The following KANSL1 variants were observed in gnomAD, a reference collection of about 807,000 sequenced individuals.
KANSL1 encodes the protein MLL1/MLL complex subunit KANSL1.
A neutral mutation model predicts 103.6 loss-of-function variants in KANSL1; 22 were observed. The observed-to-expected ratio is 0.21, with a 90% CI of 0.15 to 0.30. KANSL1 has a LOEUF of 0.30. Among genes scored for constraint, KANSL1 ranks in the 10% least tolerant of loss-of-function variants. KANSL1 has a pLI of 1.00. For missense variants in KANSL1, 1,337 were observed against 1,399.8 expected (o/e 0.96, Z 0.72); for synonymous variants, 600 against 527.6 (o/e 1.14, Z -1.88).
chr17:46,112,870 C>T (rs1238194883), intron 2 of KANSL1, among the ~76,000 whole-genome samples: 1 of 151,972 alleles, frequency 6.6e-6, no homozygotes, highest in Non-Finnish European at 1.5e-5. Context: ...TACAGGCATG[C>T]GCCATCACGC....
intron 4 of KANSL1, among the ~76,000 whole-genome samples, chr17:46,073,493 G>A (rs1391285278): frequency 3.3e-5 from 5 of 151,860 alleles, no homozygotes; most frequent in Admixed American, 6.6e-5. Context: ...TCTGCTCATC[G>A]GTGCAAAAAA....
In KANSL1 at chr17:46,193,030, AGGC is replaced by A; in HGVS notation, c.-300_-298del. 1 of 153,198 alleles carries A rather than the reference AGGC, an allele frequency of 6.5e-6. No individual in the cohort carries two copies. The highest frequency in any genetic ancestry group is 1.4e-5 in the Non-Finnish European group (1 of 69,140). The allele number at this position is 153,198 out of a possible 1,614,324, so 9.5% of individuals were successfully genotyped here. On this transcript the variant is annotated 5_prime_UTR_variant, in exon 1 of 15. Transcript: ENST00000432791. ...GGGGGCGAGGCAGAGGGGGAGGGGA[AGGC>A]GGCGGCGGGGAGCGGCTGCTTTTTC...
intron 2 of KANSL1, among the ~76,000 whole-genome samples, chr17:46,105,636 C>CAAAAAAAA (rs2042501879): frequency 1.3e-5 from 2 of 151,530 alleles, no homozygotes; most frequent in African/African-American, 2.4e-5. Context: ...AAACAAAAAA[C>CAAAAAAAA]CCCAAAATGA....
intron 2 of KANSL1, among the ~76,000 whole-genome samples, chr17:46,124,179 G>A (rs928825118): frequency 6.6e-6 from 1 of 152,188 alleles, no homozygotes; most frequent in Admixed American, 6.5e-5. Flanking sequence ...AGGGAGAACT[G>A]CTTGAGCCCA....
At chr17:46,108,449 C>G (rs956910362) in intron 2 of KANSL1, among the ~76,000 whole-genome samples, 14 of 152,230 alleles carry the variant, frequency 9.2e-5, no homozygotes, top group South Asian at 4.1e-4. Flanking sequence ...CCAAATACCC[C>G]CTACACACCT....
chr17:46,131,158 T>C (rs2147273716), intron 2 of KANSL1, among the ~76,000 whole-genome samples: 1 of 152,348 alleles, frequency 6.6e-6, no homozygotes, highest in South Asian at 2.1e-4. Context: ...CAAGGATGTA[T>C]TATAAAAGAG....
chr17:46,186,148 G>A (rs1047545080), intron 1 of KANSL1, among the ~76,000 whole-genome samples: 1 of 151,934 alleles, frequency 6.6e-6, no homozygotes, highest in African/African-American at 2.4e-5. Flanking sequence ...GGCCGAGACG[G>A]GTGGATCACA....
chr17:46,138,346 A>T (rs1473843854), intron 2 of KANSL1, among the ~76,000 whole-genome samples: 1 of 152,190 alleles, frequency 6.6e-6, no homozygotes, highest in Non-Finnish European at 1.5e-5. Flanking sequence ...ATATGTACAG[A>T]CTTTTTCTTC....
intron 1 of KANSL1, among the ~76,000 whole-genome samples, chr17:46,213,247 T>C (rs1214227387): frequency 6.6e-6 from 1 of 152,204 alleles, no homozygotes; most frequent in Non-Finnish European, 1.5e-5. Context: ...TTAACAGAGC[T>C]GTGATGGAGA....
At chr17:46,074,552 T>C (rs1166988794) in intron 4 of KANSL1, among the ~76,000 whole-genome samples, 1 of 151,988 alleles carries the variant, frequency 6.6e-6, no homozygotes, top group Non-Finnish European at 1.5e-5. Flanking sequence ...TGTCTCCCTA[T>C]AAGACAGTCA....
At position 46,171,689 on chromosome 17, in the gene KANSL1, G is replaced by C. The variant is rs775582928; in HGVS notation, c.455C>G (p.Ala152Gly). 6.4e-7 allele frequency: 1 copy of C among 1,554,056 alleles called. No homozygotes were observed. The highest frequency in any genetic ancestry group is 1.4e-5 in the African/African-American group (1 of 72,284). Residue 152 changes from alanine (A) to glycine (G), a missense_variant, in exon 2 of 15, where the codon GCA (alanine) becomes GGA (glycine). This residue lies in a region of KANSL1 where 557 missense variants were observed against 476.4 expected (regional missense o/e 1.17). Coordinates refer to ENST00000432791, the MANE Select transcript of KANSL1 (RefSeq NM_015443.4). ...TTTCTTAGCCAACCCATTTACAGGT[G>C]CTTGTGGCAGAGCTGTCTGACCACT... ...NTSGQTALPQ[A>G]PVNGLAKKLT...
intron 1 of KANSL1, among the ~76,000 whole-genome samples, chr17:46,209,564 A>G (rs1169902205): frequency 1.3e-5 from 2 of 151,976 alleles, no homozygotes; most frequent in Admixed American, 1.3e-4. Flanking sequence ...CACCATCTCG[A>G]CTCACTGCAA....
chr17:46,105,906 G>GAGACACACACACACACACACACACACAC (rs778730504), intron 2 of KANSL1, among the ~76,000 whole-genome samples: 7 of 95,218 alleles, frequency 7.4e-5, no homozygotes, highest in African/African-American at 3.2e-4. Flanking sequence ...GCAAGGCCTT[G>GAGACACACACACACACACACACACACAC]ACACACACAC....
At chr17:46,183,239 T>A (rs143616676) in intron 1 of KANSL1, among the ~76,000 whole-genome samples, 2 of 152,050 alleles carry the variant, frequency 1.3e-5, no homozygotes, top group Non-Finnish European at 2.9e-5. Flanking sequence ...CTAGGCAACA[T>A]AGCCCCCATC....
chr17:46,155,916 G>C (rs992127325), intron 2 of KANSL1, among the ~76,000 whole-genome samples: 1 of 152,204 alleles, frequency 6.6e-6, no homozygotes, highest in African/African-American at 2.4e-5. Context: ...CTGGGTGATA[G>C]AGTGAAACCC....
chr17:46,122,947 T>C (rs1330044271), intron 2 of KANSL1, among the ~76,000 whole-genome samples: 2 of 152,222 alleles, frequency 1.3e-5, no homozygotes, highest in Non-Finnish European at 2.9e-5. Flanking sequence ...CACAACAATA[T>C]TGAAATTAGG....
intron 1 of KANSL1, among the ~76,000 whole-genome samples, chr17:46,199,947 G>T (rs1044872405): frequency 3.9e-5 from 6 of 152,064 alleles, no homozygotes; most frequent in African/African-American, 1.2e-4. Context: ...CACAGTGGTG[G>T]ATTTAATAGC....
At chr17:46,040,815 G>A (rs999259376) in intron 7 of KANSL1, 5 of 152,070 alleles carry the variant, frequency 3.3e-5, no homozygotes, top group Admixed American at 2.0e-4. Context: ...ATCTATTTAC[G>A]TTTGTCTTGA....
At chr17:46,134,257 C>T (rs912412372) in intron 2 of KANSL1, among the ~76,000 whole-genome samples, 4 of 151,916 alleles carry the variant, frequency 2.6e-5, no homozygotes, top group East Asian at 1.9e-4. Context: ...ACTAGCTGAG[C>T]GTGGTGGCAG....
Sources: gnomAD v4.1 joint callset for allele counts (sites outside exome capture counted in the v4.1 genomes callset) on GRCh38, gnomAD v4.1.1 for gene constraint, gnomAD v4.1.1 regional missense constraint, MANE v1.5 for transcripts, NCBI Gene and HGNC (gene_info 2026-07-23, HGNC 2026-07-21) for gene names.